The following ALDH1L1 variants were observed in gnomAD, a reference collection of about 807,000 sequenced individuals.
ALDH1L1 encodes the protein cytosolic 10-formyltetrahydrofolate dehydrogenase.
A neutral mutation model predicts 101.1 loss-of-function variants in ALDH1L1; 68 were observed. That is an observed-to-expected ratio of 0.67 (90% CI 0.55 to 0.82). The LOEUF (loss-of-function observed/expected upper bound fraction) is 0.82. Among genes scored for constraint, ALDH1L1 ranks in the 40% least tolerant of loss-of-function variants. The probability of loss-of-function intolerance (pLI) is 0.00; values close to 1 mark genes in which losing one functional copy is unlikely to be tolerated. For synonymous variants in ALDH1L1, 486 were observed against 470.8 expected, an observed-to-expected ratio of 1.03 and a Z score of -0.42; for missense variants, 1,087 against 1,172.7, an observed-to-expected ratio of 0.93 and a Z score of 1.07.
chr3:126,127,311 G>A (rs2080208528), intron 14 of ALDH1L1, among the ~76,000 whole-genome samples: 1 of 152,170 alleles, frequency 6.6e-6, no homozygotes, highest in Admixed American at 6.5e-5. Context: ...ACTTTCATTA[G>A]CCTTGCTGCC....
chr3:126,155,743 C>T (rs977320310), intron 4 of ALDH1L1: 1 of 426,844 alleles, frequency 2.3e-6, no homozygotes, highest in Non-Finnish European at 4.1e-6. Flanking sequence ...ATAGATCTTA[C>T]ATCTTCTGAT....
chr3:126,134,063 G>A (rs917775474), intron 12 of ALDH1L1, among the ~76,000 whole-genome samples: 6 of 152,140 alleles, frequency 3.9e-5, no homozygotes, highest in African/African-American at 7.2e-5. Context: ...AGTGAATTTC[G>A]TGTTCCCTAA....
chr3:126,186,357 T>C (rs1047674960), upstream of ALDH1L1, among the ~76,000 whole-genome samples: 1 of 152,148 alleles, frequency 6.6e-6, no homozygotes, highest in African/African-American at 2.4e-5. Flanking sequence ...GGCCACTAAG[T>C]GTGAGGAAAT....
chr3:126,188,331 C>T lies in ALDH1L1; in HGVS notation c.-24+9404G>A, dbSNP rs991879053. 5.3e-5 allele frequency among the ~76,000 whole-genome samples: 8 copies of T among 152,294 alleles called. No homozygotes were observed. In the East Asian group the frequency reaches 5.8e-4, roughly 11 times the overall value. On this transcript the variant is annotated intron_variant, in intron 1 of 2. Transcript: ENST00000509952. The stretch of plus-strand genomic sequence containing the variant: ...CTGTGTATGCAAAGGGCCAACTTTT[C>T]GTATTCATGGGTTTCACAGAGGCAA...
In ALDH1L1 at chr3:126,158,517, G is replaced by A; in HGVS notation, c.250C>T (p.Pro84Ser). Residue 84 changes from proline to serine, a missense_variant, in exon 3 of 23, where the codon CCC (proline) becomes TCC (serine). Pro to Ser is a moderately conservative substitution (Grantham distance 74). Coordinates refer to ENST00000393434, the MANE Select transcript of ALDH1L1 (RefSeq NM_012190.4). ...QALGAELNVL[P>S]FCSQFIPMEI... ...ATGGGGATGAATTGGCTGCAGAAGG[G>A]CAGGACGTTGAGCTCGGCCCCCAAA... 6.2e-7 allele frequency: 1 copy of A among 1,614,220 alleles called. No individual in the cohort carries two copies. Among genetic ancestry groups the A allele is most frequent in the South Asian group, 1.1e-5 (1 of 91,082 alleles).
intron 17 of ALDH1L1, among the ~76,000 whole-genome samples, chr3:126,115,685 C>G (rs1333084946): frequency 6.6e-6 from 1 of 152,116 alleles, no homozygotes; most frequent in African/African-American, 2.4e-5. Context: ...AGCGATTCTT[C>G]TACCTCAGCC....
chr3:126,128,214 A>G (rs1289378080), intron 14 of ALDH1L1, among the ~76,000 whole-genome samples: 1 of 152,156 alleles, frequency 6.6e-6, no homozygotes, highest in African/African-American at 2.4e-5. Context: ...ATTTCCTAAC[A>G]CAAACATCCA....
At chr3:126,107,095 C>T (rs9282690) in intron 21 of ALDH1L1, 46 bp downstream of exon 21, 100,518 of 1,527,258 alleles carry the variant, frequency 0.066, 3,548 homozygotes, top group Non-Finnish European at 0.071. Flanking sequence ...CCCAGTAACA[C>T]GTGGGAGAGA....
intron 1 of ALDH1L1, among the ~76,000 whole-genome samples, chr3:126,186,836 T>G (rs2081521753): frequency 6.6e-6 from 1 of 152,030 alleles, no homozygotes. Context: ...TGTTGCTCAG[T>G]GGAGGGAGCT....
chr3:126,131,844 C>A (rs1459730571), intron 12 of ALDH1L1, among the ~76,000 whole-genome samples: 1 of 152,266 alleles, frequency 6.6e-6, no homozygotes, highest in Non-Finnish European at 1.5e-5. Context: ...CATTCACCCA[C>A]TTGCTGCAGA....
intron 17 of ALDH1L1, 47 bp from the exon 18 acceptor site, chr3:126,114,703 A>G: frequency 6.4e-7 from 1 of 1,557,616 alleles, no homozygotes; most frequent in Non-Finnish European, 8.8e-7. Flanking sequence ...CAGGGCAGGT[A>G]GGGGCATTGG....
chr3:126,175,912 T>C (rs955283686), intron 1 of ALDH1L1, among the ~76,000 whole-genome samples: 2 of 152,098 alleles, frequency 1.3e-5, no homozygotes, highest in African/African-American at 4.8e-5. Flanking sequence ...GTTCTTGTTC[T>C]CAAAAAACAT....
chr3:126,192,867 AT>A (rs2081560639), intron 1 of ALDH1L1, among the ~76,000 whole-genome samples: 1 of 152,246 alleles, frequency 6.6e-6, no homozygotes, highest in South Asian at 2.1e-4. Context: ...ATCACAGCAG[AT>A]TTGGAGAGAC....
chr3:126,123,824 A>G (rs2080126421), intron 16 of ALDH1L1, among the ~76,000 whole-genome samples: 2 of 152,150 alleles, frequency 1.3e-5, no homozygotes, highest in South Asian at 4.1e-4. Flanking sequence ...AAAAAGAGAG[A>G]GAAAAAGGAA....
chr3:126,118,255 C>T (rs977330274), intron 16 of ALDH1L1, among the ~76,000 whole-genome samples, 157 bp from the exon 17 acceptor site: 5 of 152,088 alleles, frequency 3.3e-5, no homozygotes, highest in South Asian at 4.1e-4. Flanking sequence ...CATGGAGCCT[C>T]GCTCCCTATT....
At chr3:126,116,082 A>G (rs1465752987) in intron 17 of ALDH1L1, among the ~76,000 whole-genome samples, 3 of 148,292 alleles carry the variant, frequency 2.0e-5, no homozygotes, top group African/African-American at 7.5e-5. Flanking sequence ...GGGTTTCACC[A>G]TGTTGGCCAG....
chr3:126,154,695 C>G, intron 5 of ALDH1L1, 52 bp from the exon 6 acceptor site: 1 of 1,545,494 alleles, frequency 6.5e-7, no homozygotes, highest in South Asian at 1.1e-5. Context: ...ACTCCCCTCC[C>G]ACCCTGATGA....
At chr3:126,194,533 T>C (rs759805926) in intron 1 of ALDH1L1, among the ~76,000 whole-genome samples, 4 of 152,228 alleles carry the variant, frequency 2.6e-5, no homozygotes, top group Admixed American at 6.5e-5. Context: ...CTCTACAATT[T>C]TTGTAAAAGA....
chr3:126,162,605 T>A (rs534373210), intron 1 of ALDH1L1, among the ~76,000 whole-genome samples: 1 of 152,230 alleles, frequency 6.6e-6, no homozygotes, highest in Admixed American at 6.5e-5. Context: ...TTGTCAGATA[T>A]GTGTATGGAA....
Sources: allele counts gnomAD v4.1 joint callset (sites outside exome capture counted in the v4.1 genomes callset), GRCh38; gene constraint gnomAD v4.1.1; transcripts MANE v1.5; gene names NCBI Gene and HGNC (gene_info 2026-07-23, HGNC 2026-07-21).